Variants in NBEAL1 observed in about 807,000 individuals in gnomAD.
NBEAL1 encodes the protein neurobeachin-like protein 1.
In NBEAL1, 273 loss-of-function variants were observed where a neutral mutation model predicts 351.3. That is an observed-to-expected ratio of 0.78 (90% CI 0.70 to 0.86). NBEAL1 has a LOEUF of 0.86. Among genes scored for constraint, NBEAL1 ranks in the 40% least tolerant of loss-of-function variants. NBEAL1 has a pLI of 0.00. For synonymous variants in NBEAL1, 1,050 were observed against 1,086.4 expected (o/e 0.97, Z 0.66); for missense variants, 2,961 against 3,201.3 (o/e 0.92, Z 1.81).
intron 38 of NBEAL1, among the ~76,000 whole-genome samples, chr2:203,169,018 G>A (rs548801906): frequency 1.3e-5 from 2 of 151,870 alleles, no homozygotes; most frequent in South Asian, 4.2e-4. Flanking sequence ...ATAAGGATAG[G>A]TATTATGTTT....
chr2:203,055,624 A>T (rs936414067), intron 4 of NBEAL1, among the ~76,000 whole-genome samples: 2 of 151,882 alleles, frequency 1.3e-5, no homozygotes, highest in South Asian at 4.1e-4. Context: ...AAACCAGAAG[A>T]AGTCTGTTAA....
Position 203,209,151 on chromosome 2 carries a change from C to T in NBEAL1, c.7624-10C>T. On this transcript the variant is annotated splice_polypyrimidine_tract_variant and intron_variant, in intron 52 of 55. Coordinates refer to ENST00000683969, the MANE Select transcript of NBEAL1 (RefSeq NM_001378026.1). Reference sequence around the variant, plus strand: ...TGTCTTTTTCATTTTCTGATATATCCTGTGTGTAGGATGGAACGGTGATTA... The same window carrying T: ...TGTCTTTTTCATTTTCTGATATATCTTGTGTGTAGGATGGAACGGTGATTA... The T allele has an allele frequency of 6.2e-7, 1 of 1,602,410 alleles. No homozygotes were observed. The highest frequency in any genetic ancestry group is 1.1e-5 in the South Asian group (1 of 89,972).
At chr2:203,123,807 T>G (rs2062880867) in intron 19 of NBEAL1, among the ~76,000 whole-genome samples, 1 of 152,210 alleles carries the variant, frequency 6.6e-6, no homozygotes, top group African/African-American at 2.4e-5. Context: ...AAAGCCGTTT[T>G]TTTGTGGCCT....
In NBEAL1 at chr2:203,220,260, C is replaced by A. The variant is rs1378388058; in HGVS notation, c.*2906C>A. ...CAGCTCTTTGGGAGGCCGAGGTGGGCGGATCACAAGGTCAGGAGTTCAAGA... is the reference window on the plus strand; with the variant it reads ...CAGCTCTTTGGGAGGCCGAGGTGGGAGGATCACAAGGTCAGGAGTTCAAGA... On this transcript the variant is annotated 3_prime_UTR_variant, in exon 56 of 56. Transcript: ENST00000683969. Among the ~76,000 whole-genome samples the A allele has an allele frequency of 1.3e-5, 2 of 151,968 alleles. No individual in the cohort carries two copies. The highest frequency in any genetic ancestry group is 2.9e-5 in the Non-Finnish European group (2 of 67,978).
Position 203,170,453 on chromosome 2 carries a change from G to A in NBEAL1, c.6102+602G>A, listed in dbSNP as rs537834435. On this transcript the variant is annotated intron_variant, in intron 39 of 55. Transcript: ENST00000683969. ...AATGCATGAGGTTTAAAAAGGGCCT[G>A]GAAAGGGCCAAAAAATGCCAATTCT... Among the ~76,000 whole-genome samples, 28 of 152,218 alleles carry A rather than the reference G, an allele frequency of 1.8e-4. No homozygotes were observed. The South Asian group carries it at 4.1e-3, about 23-fold the overall frequency.
chr2:203,020,879 A>T (rs1407606670), intron 2 of NBEAL1, among the ~76,000 whole-genome samples: 4 of 152,114 alleles, frequency 2.6e-5, no homozygotes. Context: ...TATTTTTCTT[A>T]AGTATAGAAG....
chr2:203,207,211 C>G (rs1421432432), intron 51 of NBEAL1, among the ~76,000 whole-genome samples: 2 of 149,452 alleles, frequency 1.3e-5, no homozygotes, highest in South Asian at 2.1e-4. Flanking sequence ...AGTGAGGAGC[C>G]CCTCCGCCTG....
intron 44 of NBEAL1, among the ~76,000 whole-genome samples, chr2:203,184,432 A>AAAAT (rs1367341942): frequency 2.0e-5 from 3 of 152,146 alleles, no homozygotes; most frequent in Admixed American, 6.5e-5. Flanking sequence ...AGCCATCTCA[A>AAAAT]AAATAAATAA....
intron 49 of NBEAL1, among the ~76,000 whole-genome samples, chr2:203,200,207 G>A (rs567376002): frequency 2.6e-5 from 4 of 151,980 alleles, no homozygotes; most frequent in Non-Finnish European, 5.9e-5. Context: ...GCAAAACCCC[G>A]TCTCTACTAA....
rs556836542 is a variant in NBEAL1, at chr2:203,139,178, TTTTA to T, written c.4848+436_4848+439del. ...TTTTACATTTTATCTCATATTTTTT[TTTTA>T]TTTATCACACACTACCTACAAAGTA... On this transcript the variant is annotated intron_variant, in intron 31 of 55. Coordinates refer to ENST00000683969, the MANE Select transcript of NBEAL1 (RefSeq NM_001378026.1). Among the ~76,000 whole-genome samples, 21 of 152,274 alleles carry T rather than the reference TTTTA, an allele frequency of 1.4e-4. 1 individual carries two copies. In the South Asian group the frequency reaches 4.1e-3, roughly 30 times the overall value.
intron 7 of NBEAL1, among the ~76,000 whole-genome samples, chr2:203,076,494 C>CA (rs2061776366): frequency 2.8e-5 from 3 of 108,636 alleles, no homozygotes; most frequent in Admixed American, 9.3e-5. Context: ...AACAAACAAA[C>CA]AAAAAAAAAA....
At chr2:203,039,390 C>G (rs946283742) in intron 2 of NBEAL1, among the ~76,000 whole-genome samples, 1 of 129,222 alleles carries the variant, frequency 7.7e-6, no homozygotes, top group Non-Finnish European at 1.7e-5. Context: ...CCTTTCCTGT[C>G]CTGTCCTGTC....
chr2:203,155,283 T>G (rs1017474969), intron 35 of NBEAL1, among the ~76,000 whole-genome samples: 1 of 152,086 alleles, frequency 6.6e-6, no homozygotes, highest in Non-Finnish European at 1.5e-5. Flanking sequence ...GAAATTTTTT[T>G]TGTCTGTACT....
chr2:203,097,957 G>C (rs1332843008), intron 11 of NBEAL1, among the ~76,000 whole-genome samples: 3 of 151,810 alleles, frequency 2.0e-5, no homozygotes. Flanking sequence ...TAAGCACTGT[G>C]GTATATTGGG....
intron 11 of NBEAL1, 92 bp from the exon 12 acceptor site, chr2:203,099,537 A>AT (rs1055030710): frequency 2.0e-5 from 15 of 744,930 alleles, no homozygotes; most frequent in Non-Finnish European, 3.1e-5. Flanking sequence ...TTAAGTAATT[A>AT]TTTTTTCAGG....
At chr2:203,126,141 C>A (rs1426942945) in intron 21 of NBEAL1, 48 bp downstream of exon 21, 4 of 1,473,900 alleles carry the variant, frequency 2.7e-6, no homozygotes, top group Admixed American at 2.9e-5. Context: ...TTGTGATTTG[C>A]AGTTGATGTT....
chr2:203,173,271 A>G (rs2106415311), intron 41 of NBEAL1, among the ~76,000 whole-genome samples: 1 of 152,282 alleles, frequency 6.6e-6, no homozygotes, highest in Admixed American at 6.5e-5. Context: ...TGAATAAAGA[A>G]GAGAGAATGT....
chr2:203,151,572 C>T lies in NBEAL1; in HGVS notation c.5570C>T (p.Ala1857Val). 2 of 1,603,988 alleles carry T rather than the reference C, an allele frequency of 1.2e-6. No homozygotes were observed. Among genetic ancestry groups the T allele is most frequent in the Non-Finnish European group, 1.7e-6 (2 of 1,176,518 alleles). ...TTCAAAACCCATGAGGAAGCTAGTG[C>T]CTTGAGAGATAATCTGGGTGAGTTC... ...YNFKTHEEAS[A>V]LRDNLGIQHS... Residue 1857 changes from alanine to valine, a missense_variant, in exon 35 of 56, where the codon GCC becomes GTC. Ala to Val is a moderately conservative substitution (Grantham distance 64). Transcript: ENST00000683969.
At chr2:203,124,639 GA>G (rs2062899744) in intron 19 of NBEAL1, among the ~76,000 whole-genome samples, 1 of 152,140 alleles carries the variant, frequency 6.6e-6, no homozygotes, top group Non-Finnish European at 1.5e-5. Context: ...GAGGTTGTTT[GA>G]AGACTTAAGT....
Sources: allele counts gnomAD v4.1 joint callset (sites outside exome capture counted in the v4.1 genomes callset), GRCh38; gene constraint gnomAD v4.1.1; transcripts MANE v1.5; gene names NCBI Gene and HGNC (gene_info 2026-07-23, HGNC 2026-07-21).